Variants in COL21A1 observed in about 807,000 individuals in gnomAD.
COL21A1 encodes the protein collagen type XXI alpha 1 chain, also known as collagen alpha-1(XXI) chain.
A neutral mutation model predicts 137.9 loss-of-function variants in COL21A1; 149 were observed. That is an observed-to-expected ratio of 1.08 (90% CI 0.95 to 1.24). COL21A1 has a LOEUF of 1.24. Ranked by LOEUF, COL21A1 falls within the 50% of genes most tolerant of loss-of-function variation. The pLI, the probability that COL21A1 is intolerant of heterozygous loss-of-function variation, is 0.00. For synonymous variants in COL21A1, 456 were observed against 391.5 expected (o/e 1.16, Z -1.95); for missense variants, 1,167 against 1,158.4 (o/e 1.01, Z -0.11).
In COL21A1 at chr6:56,294,824, T is replaced by C. The variant is rs573957444; in HGVS notation, c.-39+99147A>G. Among the ~76,000 whole-genome samples, 28 of 152,184 alleles carry C rather than the reference T, an allele frequency of 1.8e-4. No individual in the cohort carries two copies. In the East Asian group the frequency reaches 4.8e-3, roughly 26 times the overall value. On this transcript the variant is annotated intron_variant, in intron 1 of 28. Transcript: ENST00000370819. The stretch of plus-strand genomic sequence containing the variant: ...ATTTTTGAGTTTTAAAAGGAGTTCT[T>C]TGTATATTTTGGATACTAGCCCTTT...
chr6:56,211,984 C>T (rs758850874), intron 1 of COL21A1, among the ~76,000 whole-genome samples: 1 of 151,986 alleles, frequency 6.6e-6, no homozygotes, highest in Non-Finnish European at 1.5e-5. Flanking sequence ...GTGACGTAGG[C>T]ACTGGAGAAA....
Position 56,342,852 on chromosome 6 carries a change from G to T in COL21A1, c.-39+51119C>A, listed in dbSNP as rs1041575631. Among the ~76,000 whole-genome samples the T allele has an allele frequency of 3.3e-5, 5 of 152,138 alleles. No individual in the cohort carries two copies. In the East Asian group the frequency reaches 9.6e-4, roughly 29 times the overall value. On this transcript the variant is annotated intron_variant, in intron 1 of 28. Coordinates refer to the COL21A1 transcript ENST00000370819. ...TTTTGCCAACGCACCACCCTGAAAGGTCTGTGCACTTGTGGGGCAGGAATC... is the reference window on the plus strand; with the variant it reads ...TTTTGCCAACGCACCACCCTGAAAGTTCTGTGCACTTGTGGGGCAGGAATC...
chr6:56,384,701 T>C (rs574916996), intron 1 of COL21A1, among the ~76,000 whole-genome samples: 7 of 152,248 alleles, frequency 4.6e-5, no homozygotes, highest in Admixed American at 1.3e-4. Context: ...TTTCTGAATA[T>C]TTTTAGGCGG....
chr6:56,062,645 C>T (rs927770377), intron 24 of COL21A1, among the ~76,000 whole-genome samples: 2 of 152,136 alleles, frequency 1.3e-5, no homozygotes, highest in African/African-American at 4.8e-5. Context: ...GCTCCTCAAA[C>T]ATGGCTATCC....
chr6:56,304,673 C>CA (rs1193164379), intron 1 of COL21A1, among the ~76,000 whole-genome samples: 5 of 152,098 alleles, frequency 3.3e-5, no homozygotes, highest in African/African-American at 7.2e-5. Context: ...TTGATCTTTT[C>CA]AAAAAACCAG....
chr6:56,303,786 G>A lies in COL21A1; in HGVS notation c.-39+90185C>T, dbSNP rs534329725. Among the ~76,000 whole-genome samples, 4 of 152,294 alleles carry A rather than the reference G, an allele frequency of 2.6e-5. No individual in the cohort carries two copies. In the East Asian group the frequency reaches 5.8e-4, roughly 22 times the overall value. On this transcript the variant is annotated intron_variant, in intron 1 of 28. Transcript: ENST00000370819. ...ACACTATGTTGAATAGGAGTGGTGAGAGAGGGCATCCCTGTCTTGTACCAG... is the reference window on the plus strand; with the variant it reads ...ACACTATGTTGAATAGGAGTGGTGAAAGAGGGCATCCCTGTCTTGTACCAG...
At chr6:56,242,216 A>G (rs1782370497) in intron 1 of COL21A1, among the ~76,000 whole-genome samples, 1 of 152,198 alleles carries the variant, frequency 6.6e-6, no homozygotes, top group Admixed American at 6.5e-5. Flanking sequence ...TATTAATTTA[A>G]TATTTTAATA....
chr6:56,256,704 T>C (rs1243617724), intron 1 of COL21A1, among the ~76,000 whole-genome samples: 2 of 151,850 alleles, frequency 1.3e-5, no homozygotes, highest in Non-Finnish European at 2.9e-5. Flanking sequence ...TTTTTAAAAA[T>C]TTTAAAAACC....
At chr6:56,148,394 C>T in intron 10 of COL21A1, among the ~76,000 whole-genome samples, 1 of 110,260 alleles carries the variant, frequency 9.1e-6, no homozygotes, top group Admixed American at 8.8e-5. Flanking sequence ...ATAAATAAAT[C>T]TATTTGCCAA....
intron 1 of COL21A1, among the ~76,000 whole-genome samples, chr6:56,389,792 T>C (rs987172582): frequency 6.6e-6 from 1 of 152,186 alleles, no homozygotes; most frequent in Non-Finnish European, 1.5e-5. Flanking sequence ...ATTCAACATC[T>C]GAAGGAAAAA....
intron 1 of COL21A1, among the ~76,000 whole-genome samples, chr6:56,271,407 A>C (rs189098818): frequency 1.7e-4 from 26 of 152,210 alleles, no homozygotes; most frequent in Non-Finnish European, 3.5e-4. Flanking sequence ...TCAAGAGGTG[A>C]CCTAGCTTAT....
intron 1 of COL21A1, among the ~76,000 whole-genome samples, chr6:56,278,637 C>G (rs866755176): frequency 7.2e-5 from 11 of 152,164 alleles, no homozygotes; most frequent in Middle Eastern, 3.2e-3. Context: ...AAAGCTCTTT[C>G]ACATCTGTTT....
chr6:56,166,882 A>G lies in COL21A1; in HGVS notation c.1278+24T>C, dbSNP rs750683089. ...TGAAAGTACTAAAGCAACATCTGGG[A>G]AAAAAACAATCCCTCCTACTTACAA... is the stretch of plus-strand genomic sequence containing the variant. On this transcript the variant is annotated intron_variant, in intron 7 of 29. Coordinates refer to ENST00000244728, the MANE Select transcript of COL21A1 (RefSeq NM_030820.4). The G allele has an allele frequency of 1.9e-6, 3 of 1,582,342 alleles. No individual in the cohort carries two copies. The South Asian group carries it at 3.4e-5, about 18-fold the overall frequency.
intron 12 of COL21A1, among the ~76,000 whole-genome samples, chr6:56,139,401 G>A (rs964404016): frequency 6.6e-6 from 1 of 152,108 alleles, no homozygotes; most frequent in African/African-American, 2.4e-5. Context: ...GAGGTAAGCA[G>A]TCTAAATTCA....
At chr6:56,084,423 A>G (rs1320592272) in intron 17 of COL21A1, among the ~76,000 whole-genome samples, 3 of 151,974 alleles carry the variant, frequency 2.0e-5, no homozygotes, top group Non-Finnish European at 4.4e-5. Flanking sequence ...AAAAGTCCAG[A>G]CATAATCTCA....
chr6:56,183,590 A>G (rs898157270), intron 1 of COL21A1, among the ~76,000 whole-genome samples: 1 of 152,188 alleles, frequency 6.6e-6, no homozygotes, highest in African/African-American at 2.4e-5. Flanking sequence ...AGTATAGAAC[A>G]GCCTAGAGAG....
At chr6:56,268,256 G>A (rs780045871) in intron 1 of COL21A1, among the ~76,000 whole-genome samples, 8 of 152,140 alleles carry the variant, frequency 5.3e-5, no homozygotes, top group Non-Finnish European at 8.8e-5. Context: ...GTAAGCTATC[G>A]CCCTGCCATG....
chr6:56,265,397 G>T (rs1582742752), intron 1 of COL21A1, among the ~76,000 whole-genome samples: 1 of 152,154 alleles, frequency 6.6e-6, no homozygotes, highest in South Asian at 2.1e-4. Context: ...AAAAACCATG[G>T]GAAACAATAG....
At chr6:56,110,977 G>C (rs1445172417) in intron 16 of COL21A1, among the ~76,000 whole-genome samples, 1 of 152,094 alleles carries the variant, frequency 6.6e-6, no homozygotes, top group African/African-American at 2.4e-5. Context: ...AGTAGGGCTT[G>C]AATTTGGTGA....
Sources: allele counts gnomAD v4.1 joint callset (sites outside exome capture counted in the v4.1 genomes callset), GRCh38; gene constraint gnomAD v4.1.1; transcripts MANE v1.5; gene names NCBI Gene and HGNC (gene_info 2026-07-23, HGNC 2026-07-21).